MPDZ: variants seen among roughly 807,000 people sequenced by gnomAD.
MPDZ encodes the protein multiple PDZ domain protein.
Under a neutral mutation model 239.1 loss-of-function variants are expected in MPDZ, and 234 were observed. That is an observed-to-expected ratio of 0.98 (90% CI 0.88 to 1.09). The LOEUF is 1.09. MPDZ is among the 50% of genes least tolerant of loss of function. The pLI is 0.00. For missense variants in MPDZ, 3,175 were observed against 2,510.0 expected, an observed-to-expected ratio of 1.26 and a Z score of -5.66; for synonymous variants, 1,048 against 881.3, an observed-to-expected ratio of 1.19 and a Z score of -3.35.
intron 1 of MPDZ, among the ~76,000 whole-genome samples, chr9:13,266,371 G>T (rs1041759397): frequency 6.6e-5 from 10 of 152,162 alleles, no homozygotes; most frequent in African/African-American, 2.4e-4. Flanking sequence ...ACTCCTGTTG[G>T]TTTAGTTCCA....
chr9:13,146,016 A>ATGG (rs1948388046), intron 26 of MPDZ, among the ~76,000 whole-genome samples: 1 of 152,082 alleles, frequency 6.6e-6, no homozygotes, highest in Non-Finnish European at 1.5e-5. Context: ...TCTATGTTTA[A>ATGG]CACACAAATG....
intron 19 of MPDZ, among the ~76,000 whole-genome samples, chr9:13,176,988 T>C (rs1362584644): frequency 6.6e-6 from 1 of 152,152 alleles, no homozygotes; most frequent in Non-Finnish European, 1.5e-5. Context: ...CTGTACGATA[T>C]AACAGAAGGA....
At chr9:13,154,591 T>G (rs556025317) in intron 24 of MPDZ, among the ~76,000 whole-genome samples, 1 of 152,274 alleles carries the variant, frequency 6.6e-6, no homozygotes, top group East Asian at 1.9e-4. Flanking sequence ...AATTAATACA[T>G]GTAGGGTCCA....
intron 12 of MPDZ, among the ~76,000 whole-genome samples, chr9:13,202,820 C>A (rs908640690): frequency 2.0e-5 from 3 of 152,318 alleles, no homozygotes; most frequent in African/African-American, 7.2e-5. Flanking sequence ...TGGCTCCTCT[C>A]AATTCTGTAG....
At chr9:13,275,238 A>G (rs754870393) in intron 1 of MPDZ, among the ~76,000 whole-genome samples, 11 of 152,304 alleles carry the variant, frequency 7.2e-5, no homozygotes, top group South Asian at 2.1e-4. Flanking sequence ...ACCTCACAAT[A>G]TAACTGTATT....
At position 13,198,445 on chromosome 9, in the gene MPDZ, G is replaced by C. The variant is rs557209221; in HGVS notation, c.1547-2215C>G. ...TTCTGCATTTTTAATCAGATTATTTGATTTTTTTTCTATTGAGTTTTTTGA... is the reference window on the plus strand; with the variant it reads ...TTCTGCATTTTTAATCAGATTATTTCATTTTTTTTCTATTGAGTTTTTTGA... On this transcript the variant is annotated intron_variant, in intron 12 of 46. Coordinates refer to ENST00000319217, the MANE Select transcript of MPDZ (RefSeq NM_001378778.1). Among the ~76,000 whole-genome samples, 5 of 151,922 alleles carry C rather than the reference G, an allele frequency of 3.3e-5. No homozygotes were observed. The East Asian group carries it at 7.7e-4, about 24-fold the overall frequency.
At position 13,206,089 on chromosome 9, in the gene MPDZ, G is replaced by C. The variant is rs187671655; in HGVS notation, c.1301C>G (p.Thr434Arg). ...CTGATTAGTAAAACCCTGAAGGTTT[G>C]TGCCATCTACCTGTGATTAAAAAAA... is the stretch of plus-strand genomic sequence containing the variant. ...IGDQIIAVDGTNLQGFTNQQA... is the reference protein window; with the variant it reads ...IGDQIIAVDGRNLQGFTNQQA... The change falls in exon 11 of 47, where the codon ACA becomes AGA. Residue 434 changes from threonine to arginine, a missense_variant. Thr to Arg is a moderately conservative substitution (Grantham distance 71, BLOSUM62 -1). Coordinates refer to ENST00000319217, the MANE Select transcript of MPDZ (RefSeq NM_001378778.1). The C allele has an allele frequency of 3.5e-4, 563 of 1,597,406 alleles. 4 individuals are homozygous for C. In the African/African-American group the frequency reaches 6.4e-3, roughly 18 times the overall value.
At chr9:13,146,099 G>A (rs1948397761) in intron 26 of MPDZ, among the ~76,000 whole-genome samples, 1 of 151,992 alleles carries the variant, frequency 6.6e-6, no homozygotes, top group Non-Finnish European at 1.5e-5. Flanking sequence ...GCATGATGCA[G>A]CCCTACCATT....
chr9:13,139,935 G>C, intron 28 of MPDZ, 52 bp downstream of exon 28: 1 of 1,606,708 alleles, frequency 6.2e-7, no homozygotes, highest in Non-Finnish European at 8.5e-7. Flanking sequence ...GAGAAACTCA[G>C]AGCTATTTTA....
chr9:13,191,805 A>C (rs530833847), intron 15 of MPDZ, among the ~76,000 whole-genome samples: 13 of 152,194 alleles, frequency 8.5e-5, no homozygotes, highest in Non-Finnish European at 1.5e-4. Flanking sequence ...CAAGTAAATT[A>C]AACAAGTATA....
At chr9:13,261,811 C>T (rs1970745034) in intron 1 of MPDZ, among the ~76,000 whole-genome samples, 1 of 148,300 alleles carries the variant, frequency 6.7e-6, no homozygotes. Flanking sequence ...GTGAGAGGAT[C>T]ACTTTTAGCC....
intron 19 of MPDZ, among the ~76,000 whole-genome samples, chr9:13,182,256 G>A (rs960486124): frequency 3.3e-5 from 5 of 151,912 alleles, no homozygotes; most frequent in African/African-American, 4.8e-5. Context: ...AATTTTAAAT[G>A]TATGTTTATG....
chr9:13,190,156 C>T lies in MPDZ; in HGVS notation c.2112G>A (p.Glu704=). The T allele has an allele frequency of 9.3e-6, 15 of 1,613,234 alleles. No homozygotes were observed. Among genetic ancestry groups the T allele is most frequent in the Non-Finnish European group, 1.3e-5 (15 of 1,179,518 alleles). ...TAAAACCAAGTCCTTTGCTCCCTTTCTCCAGCTCTATGTGCTGAATGCCAG... is the reference window on the plus strand; with the variant it reads ...TAAAACCAAGTCCTTTGCTCCCTTTTTCCAGCTCTATGTGCTGAATGCCAG... ...WEAGIQHIEL[E]KGSKGLGFSI... is the part of the protein sequence containing the mutation. Residue 704 remains glutamate (E), a synonymous_variant, in exon 16 of 47, where the codon GAG becomes GAA. Transcript: ENST00000319217.
chr9:13,188,691 GAT>G, intron 17 of MPDZ, 91 bp downstream of exon 17: 1 of 1,036,834 alleles, frequency 9.6e-7, no homozygotes, highest in Non-Finnish European at 1.4e-6. Flanking sequence ...TAAAAGTCAC[GAT>G]TCAATCATGA....
intron 22 of MPDZ, among the ~76,000 whole-genome samples, chr9:13,167,958 G>A (rs1195410450): frequency 6.6e-6 from 1 of 151,974 alleles, no homozygotes; most frequent in Non-Finnish European, 1.5e-5. Context: ...TGCATGCCTG[G>A]CCCTTAAAGA....
At chr9:13,245,726 G>A (rs1024392423) in intron 3 of MPDZ, among the ~76,000 whole-genome samples, 10 of 152,140 alleles carry the variant, frequency 6.6e-5, no homozygotes, top group African/African-American at 2.2e-4. Context: ...AGTTGGTCTC[G>A]GTCTCAACAA....
At chr9:13,125,510 C>T (rs1445067383) in intron 34 of MPDZ, 120 bp from the exon 35 acceptor site, 1 of 850,642 alleles carries the variant, frequency 1.2e-6, no homozygotes, top group East Asian at 2.8e-5. Context: ...GGGACAGATG[C>T]AAATTATTTC....
intron 13 of MPDZ, 60 bp from the exon 14 acceptor site, chr9:13,193,373 C>G (rs1021124879): frequency 6.7e-7 from 1 of 1,499,096 alleles, no homozygotes; most frequent in Non-Finnish European, 8.9e-7. Context: ...TTTACTCATG[C>G]ACACATTTTA....
chr9:13,136,349 T>TTTTTTTTTTTTTTTTTTTTTTTTA (rs1946782722), intron 30 of MPDZ, among the ~76,000 whole-genome samples, 167 bp from the exon 31 acceptor site: 1 of 140,998 alleles, frequency 7.1e-6, no homozygotes, highest in Non-Finnish European at 1.5e-5. Flanking sequence ...TTTTTTTTTT[T>TTTTTTTTTTTTTTTTTTTTTTTTA]GAGACAGAGT....
Sources: allele counts gnomAD v4.1 joint callset (sites outside exome capture counted in the v4.1 genomes callset), GRCh38; gene constraint gnomAD v4.1.1; transcripts MANE v1.5; gene names NCBI Gene and HGNC (gene_info 2026-07-23, HGNC 2026-07-21).